WAPL: variants seen among roughly 807,000 people sequenced by gnomAD.
WAPL encodes wings apart-like protein homolog.
WAPL carries 5 observed loss-of-function variants against 121.0 expected under a neutral mutation model. That is an observed-to-expected ratio of 0.04 (90% CI 0.02 to 0.09). The LOEUF (loss-of-function observed/expected upper bound fraction) is 0.09, where lower values mean the gene tolerates loss of function less well. Ranked by LOEUF, WAPL falls within the 10% of genes least tolerant of loss-of-function variation. WAPL has a pLI of 1.00. For synonymous variants in WAPL, 480 were observed against 481.5 expected (o/e 1.00, Z 0.04); for missense variants, 999 against 1,410.8 (o/e 0.71, Z 4.68).
chr10:86,499,599 A>C, intron 3 of WAPL, 119 bp downstream of exon 3: 1 of 976,236 alleles, frequency 1.0e-6, no homozygotes. Context: ...TTATCTTATT[A>C]TACTGTACTC....
At chr10:86,457,738 TAAGAAA>T (rs1336889414) in intron 12 of WAPL, among the ~76,000 whole-genome samples, 1 of 151,976 alleles carries the variant, frequency 6.6e-6, no homozygotes, top group African/African-American at 2.4e-5. Context: ...ACCTACAGAT[TAAGAAA>T]ATCTACTGAG....
chr10:86,461,439 C>T (rs1841272038), intron 9 of WAPL, 152 bp from the exon 10 acceptor site: 1 of 604,786 alleles, frequency 1.7e-6, no homozygotes, highest in African/African-American at 1.9e-5. Flanking sequence ...TCAGAATAGT[C>T]CACATTGAAC....
At chr10:86,485,448 A>C (rs1445839280) in intron 4 of WAPL, among the ~76,000 whole-genome samples, 1 of 152,128 alleles carries the variant, frequency 6.6e-6, no homozygotes, top group Non-Finnish European at 1.5e-5. Context: ...AAGGCAGTTG[A>C]ATCACTTGAA....
In WAPL at chr10:86,521,395, G is replaced by C. The variant is rs1842673845; in HGVS notation, c.-53C>G. On this transcript the variant is annotated 5_prime_UTR_variant, in exon 1 of 19. Transcript: ENST00000298767. The stretch of plus-strand genomic sequence containing the variant: ...GAGCCTGGCGGGTGCTTTGGCCACG[G>C]GCCGCCTCCGCCTCTCCCGCTCCCT... 3.4e-6 allele frequency: 1 copy of C among 290,412 alleles called. No homozygotes were observed. Among genetic ancestry groups the C allele is most frequent in the Non-Finnish European group, 6.9e-6 (1 of 144,334 alleles). The allele number at this position is 290,412 out of a possible 1,614,324, so 18.0% of individuals were successfully genotyped here. A position where few individuals can be genotyped will look rare whatever the true frequency, so the allele number is the denominator to read the frequency against.
chr10:86,521,777 C>G lies in WAPL; in HGVS notation c.-435G>C, dbSNP rs779952149. The G allele has an allele frequency of 4.6e-6, 2 of 438,748 alleles. No individual in the cohort carries two copies. The highest frequency in any genetic ancestry group is 2.2e-5 in the African/African-American group (1 of 46,334). The allele number at this position is 438,748 out of a possible 1,614,324, so 27.2% of individuals were successfully genotyped here. ...GGCCCCCACCTCCTTCCTCCAACAG[C>G]CGCTCGCTCCGTCACTCCGCTTCCC... On this transcript the variant is annotated 5_prime_UTR_variant, in exon 1 of 19. Coordinates refer to ENST00000298767, the MANE Select transcript of WAPL (RefSeq NM_015045.5).
intron 1 of WAPL, among the ~76,000 whole-genome samples, chr10:86,520,766 T>TAAA (rs10574217): frequency 2.0e-5 from 2 of 98,098 alleles, no homozygotes; most frequent in Admixed American, 1.1e-4. Context: ...CGCTGTGATT[T>TAAA]AAAAAAAAAA....
At chr10:86,497,888 CAA>C (rs1327649942) in intron 3 of WAPL, among the ~76,000 whole-genome samples, 2 of 152,168 alleles carry the variant, frequency 1.3e-5, no homozygotes, top group Non-Finnish European at 2.9e-5. Flanking sequence ...CACAACTAAC[CAA>C]AGAGTCAGTT....
chr10:86,448,692 G>A (rs1219959650), intron 15 of WAPL, among the ~76,000 whole-genome samples: 4 of 152,108 alleles, frequency 2.6e-5, no homozygotes, highest in African/African-American at 9.7e-5. Context: ...ATGGCTCACT[G>A]CAGCCTCAAC....
intron 12 of WAPL, 52 bp downstream of exon 12, chr10:86,458,937 T>C: frequency 6.9e-7 from 1 of 1,451,260 alleles, no homozygotes; most frequent in Non-Finnish European, 9.5e-7. Context: ...TCAATCCAAA[T>C]GTTTAAAATA....
chr10:86,480,878 G>A (rs1841767051), intron 4 of WAPL, among the ~76,000 whole-genome samples: 1 of 152,078 alleles, frequency 6.6e-6, no homozygotes, highest in African/African-American at 2.4e-5. Context: ...GTCCAGAAAT[G>A]GTAGAATACC....
chr10:86,497,223 T>C lies in WAPL; in HGVS notation c.1622A>G (p.Lys541Arg). The C allele has an allele frequency of 6.2e-7, 1 of 1,612,788 alleles. No homozygotes were observed. Among genetic ancestry groups the C allele is most frequent in the Non-Finnish European group, 8.5e-7 (1 of 1,179,676 alleles). ...TACCCGTTTGGGGCCACTAAAAATC[T>C]TTCTGGTATTTTCCTTTGATTTATC... ...QGDKSKENTR[K>R]IFSGPKRSPT... Residue 541 changes from lysine to arginine, a missense_variant, in exon 4 of 19, where the codon AAG becomes AGG. Physicochemically the swap from Lys to Arg is conservative, Grantham distance 26 (BLOSUM62 2). Transcript: ENST00000298767.
chr10:86,509,174 GCTT>G (rs1412320103), intron 2 of WAPL, among the ~76,000 whole-genome samples: 8 of 152,096 alleles, frequency 5.3e-5, no homozygotes, highest in Admixed American at 1.3e-4. Context: ...TCTAATCAAG[GCTT>G]CTTATCTCAG....
intron 1 of WAPL, among the ~76,000 whole-genome samples, chr10:86,520,573 C>G (rs1842655849): frequency 6.6e-6 from 1 of 152,012 alleles, no homozygotes; most frequent in African/African-American, 2.4e-5. Context: ...ACTACAGATT[C>G]CAAAATAAGT....
chr10:86,438,186 C>T (rs190427461), intron 17 of WAPL, among the ~76,000 whole-genome samples, 171 bp from the exon 18 acceptor site: 1 of 152,106 alleles, frequency 6.6e-6, no homozygotes, highest in Non-Finnish European at 1.5e-5. Context: ...TCCTACCTCA[C>T]CCTCAGAAAG....
rs766612134 is a variant in WAPL at position 86,472,674 on chromosome 10, T to C, written c.1831A>G (p.Ile611Val). 12 of 1,613,838 alleles carry C rather than the reference T, an allele frequency of 7.4e-6. No individual in the cohort carries two copies. Among genetic ancestry groups the C allele is most frequent in the Non-Finnish European group, 9.3e-6 (11 of 1,179,904 alleles). The change falls in exon 6 of 19, where the codon ATA becomes GTA. Residue 611 changes from isoleucine to valine, a missense_variant. Transcript: ENST00000298767. This position sits in a 1 kb window ranked among gnomAD's most constrained non-coding sequence, Gnocchi z 4.2. ...PPSKVIKTVT[I>V]PTQPYQDIVT... ...ATATCTTGGTAGGGCTGAGTAGGTA[T>C]TGTCACAGTTTTTATCACTTTGGAT...
At chr10:86,519,668 A>C (rs1188572908) in intron 1 of WAPL, among the ~76,000 whole-genome samples, 1 of 152,228 alleles carries the variant, frequency 6.6e-6, no homozygotes, top group Non-Finnish European at 1.5e-5. Flanking sequence ...GTACAGCCTA[A>C]ACAAAACAGG....
At chr10:86,493,887 C>A (rs1048505662) in intron 4 of WAPL, among the ~76,000 whole-genome samples, 2 of 152,118 alleles carry the variant, frequency 1.3e-5, no homozygotes, top group Non-Finnish European at 2.9e-5. Flanking sequence ...CCTGTAGTCC[C>A]AGCTACCCAG....
chr10:86,521,694 T>G lies in WAPL; in HGVS notation c.-352A>C. 1 of 464,010 alleles carries G rather than the reference T, an allele frequency of 2.2e-6. No individual in the cohort carries two copies. Among genetic ancestry groups the G allele is most frequent in the South Asian group, 1.6e-5 (1 of 63,506 alleles). 28.7% of individuals were successfully genotyped at this position (464,010 alleles called of 1,614,324 possible). Reference sequence around the variant, plus strand: ...CTGCGCCGCCGCTTCCGCCGGTGAATGGTCAGTGCTGGAGTTTGAACAGGG... The same window carrying G: ...CTGCGCCGCCGCTTCCGCCGGTGAAGGGTCAGTGCTGGAGTTTGAACAGGG... On this transcript the variant is annotated 5_prime_UTR_variant, in exon 1 of 19. Coordinates refer to ENST00000298767, the MANE Select transcript of WAPL (RefSeq NM_015045.5).
intron 9 of WAPL, among the ~76,000 whole-genome samples, chr10:86,462,453 C>A (rs1841302841): frequency 6.6e-6 from 1 of 152,118 alleles, no homozygotes; most frequent in Non-Finnish European, 1.5e-5. Context: ...CGGTGGCTCA[C>A]ACCTGTATGT....
Sources: allele counts gnomAD v4.1 joint callset (sites outside exome capture counted in the v4.1 genomes callset), GRCh38; gene constraint gnomAD v4.1.1; non-coding constraint Gnocchi (gnomAD v3.1); transcripts MANE v1.5; gene names NCBI Gene and HGNC (gene_info 2026-07-23, HGNC 2026-07-21).